Variants in GRIN2B observed in about 807,000 individuals in gnomAD.
GRIN2B encodes the protein glutamate receptor ionotropic, NMDA 2B.
GRIN2B carries 5 observed loss-of-function variants against 114.5 expected under a neutral mutation model. The ratio of observed to expected loss-of-function variants is 0.04; its 90% CI spans 0.02 to 0.09. The LOEUF is 0.09. Ranked by LOEUF, GRIN2B falls within the 10% of genes least tolerant of loss-of-function variation. The pLI, the probability that GRIN2B is intolerant of heterozygous loss-of-function variation, is 1.00. For synonymous variants in GRIN2B, 787 were observed against 745.1 expected (o/e 1.06, Z -0.92); for missense variants, 1,108 against 1,943.5 (o/e 0.57, Z 8.08).
intron 3 of GRIN2B, among the ~76,000 whole-genome samples, chr12:13,778,687 G>T (rs958503445): frequency 4.6e-5 from 7 of 152,286 alleles, no homozygotes; most frequent in Middle Eastern, 6.8e-3. Flanking sequence ...GATCTTACTT[G>T]ATTCCATTTT....
intron 5 of GRIN2B, among the ~76,000 whole-genome samples, chr12:13,674,418 C>T (rs1286945245): frequency 6.6e-6 from 1 of 152,028 alleles, no homozygotes; most frequent in Non-Finnish European, 1.5e-5. Flanking sequence ...TGTGCCCTAT[C>T]TGACAAGAGA....
At chr12:13,651,144 T>C (rs1020930896) in intron 5 of GRIN2B, among the ~76,000 whole-genome samples, 2 of 152,062 alleles carry the variant, frequency 1.3e-5, no homozygotes, top group Non-Finnish European at 2.9e-5. Flanking sequence ...AGAATACATC[T>C]GATTGTCTCA....
intron 10 of GRIN2B, among the ~76,000 whole-genome samples, chr12:13,595,577 G>A (rs531751376): frequency 6.6e-6 from 1 of 152,314 alleles, no homozygotes; most frequent in South Asian, 2.1e-4. Context: ...CCTGTCTGGT[G>A]CTGAGAACTG....
intron 2 of GRIN2B, among the ~76,000 whole-genome samples, chr12:13,964,470 T>C (rs566881102): frequency 5.3e-5 from 8 of 152,272 alleles, no homozygotes; most frequent in Middle Eastern, 3.4e-3. Flanking sequence ...AAAGTCAGGA[T>C]TGCAAGGAAA....
intron 2 of GRIN2B, among the ~76,000 whole-genome samples, chr12:13,958,969 A>AG (rs888097762): frequency 6.6e-6 from 1 of 152,116 alleles, no homozygotes; most frequent in African/African-American, 2.4e-5. Context: ...AGAAAAAAAA[A>AG]GGGGGTGGAG....
chr12:13,886,859 A>G (rs1011330821), intron 2 of GRIN2B, among the ~76,000 whole-genome samples: 1 of 152,232 alleles, frequency 6.6e-6, no homozygotes, highest in African/African-American at 2.4e-5. Context: ...CTTATACAGT[A>G]CTCATGTCAC....
intron 2 of GRIN2B, among the ~76,000 whole-genome samples, chr12:13,913,063 G>A (rs1344813840): frequency 1.3e-5 from 2 of 152,116 alleles, no homozygotes; most frequent in African/African-American, 2.4e-5. Context: ...CACCTGAGTC[G>A]AGAGTAACAG....
chr12:13,723,129 C>T (rs1290543962), intron 4 of GRIN2B, among the ~76,000 whole-genome samples: 1 of 127,510 alleles, frequency 7.8e-6, no homozygotes, highest in Middle Eastern at 3.5e-3. Flanking sequence ...TAAATGCTTA[C>T]ACCTTTTTTT....
intron 10 of GRIN2B, among the ~76,000 whole-genome samples, chr12:13,607,393 TATATATAATATATAAA>T (rs1565473816): frequency 8.4e-5 from 6 of 71,532 alleles, no homozygotes; most frequent in South Asian, 3.0e-4. Context: ...TAATATATAT[TATATATAATATATAAA>T]ATATATAATA....
chr12:13,787,054 A>T (rs1864234812), intron 3 of GRIN2B, among the ~76,000 whole-genome samples: 1 of 152,234 alleles, frequency 6.6e-6, no homozygotes, highest in South Asian at 2.1e-4. Flanking sequence ...TACCTCCCAA[A>T]ACCACAATTC....
At chr12:13,565,918 A>C (rs1226659764) in intron 13 of GRIN2B, among the ~76,000 whole-genome samples, 1 of 152,178 alleles carries the variant, frequency 6.6e-6, no homozygotes, top group East Asian at 1.9e-4. Context: ...GAAAATTCCA[A>C]GCCTTTTTTC....
In GRIN2B at chr12:13,895,627, G is replaced by A. The variant is rs370292489; in HGVS notation, c.-18-29401C>T. On this transcript the variant is annotated intron_variant, in intron 2 of 13. Coordinates refer to ENST00000609686, the MANE Select transcript of GRIN2B (RefSeq NM_000834.5). Reference sequence around the variant, plus strand: ...AGAAAAGTGGGTTAATAATGTAAACGGAACTCTCCAGATAATAAATATTTT... The same window carrying A: ...AGAAAAGTGGGTTAATAATGTAAACAGAACTCTCCAGATAATAAATATTTT... 1.0e-3 allele frequency among the ~76,000 whole-genome samples: 157 copies of A among 152,226 alleles called. 3 individuals are homozygous for A. In the South Asian group the frequency reaches 0.026, roughly 26 times the overall value.
At chr12:13,861,450 C>T (rs1383137944) in intron 3 of GRIN2B, among the ~76,000 whole-genome samples, 1 of 152,144 alleles carries the variant, frequency 6.6e-6, no homozygotes, top group Non-Finnish European at 1.5e-5. Flanking sequence ...ATCTTAAATC[C>T]AGGATCTCAG....
chr12:13,919,332 A>T (rs1366855306), intron 2 of GRIN2B, among the ~76,000 whole-genome samples: 1 of 152,216 alleles, frequency 6.6e-6, no homozygotes, highest in African/African-American at 2.4e-5. Context: ...GTTAGGGATT[A>T]AAAACTCCTA....
At chr12:13,847,965 C>T (rs1332783146) in intron 3 of GRIN2B, among the ~76,000 whole-genome samples, 1 of 152,072 alleles carries the variant, frequency 6.6e-6, no homozygotes, top group Admixed American at 6.6e-5. Flanking sequence ...GTCCTTCTGC[C>T]TTAATAGACA....
intron 4 of GRIN2B, among the ~76,000 whole-genome samples, chr12:13,745,524 T>C (rs74065273): frequency 0.018 from 2,768 of 152,304 alleles, 87 homozygotes; most frequent in African/African-American, 0.063. Flanking sequence ...TAGCATGCTC[T>C]AGCAAAGAGC....
chr12:13,821,906 T>C (rs1565550572), intron 3 of GRIN2B, among the ~76,000 whole-genome samples: 1 of 152,160 alleles, frequency 6.6e-6, no homozygotes, highest in Non-Finnish European at 1.5e-5. Flanking sequence ...ACTTTCTCTA[T>C]TACACAAAAT....
chr12:13,957,197 G>A (rs1005377281), intron 2 of GRIN2B, among the ~76,000 whole-genome samples: 4 of 152,126 alleles, frequency 2.6e-5, no homozygotes, highest in African/African-American at 4.8e-5. Flanking sequence ...CACTGGACTC[G>A]GCTCAGCTGC....
At chr12:13,804,797 G>A (rs533137180) in intron 3 of GRIN2B, among the ~76,000 whole-genome samples, 134 of 152,132 alleles carry the variant, frequency 8.8e-4, no homozygotes, top group African/African-American at 2.9e-3. Flanking sequence ...ATAATGCCTT[G>A]CCCATAATAG....
Sources: allele counts gnomAD v4.1 joint callset (sites outside exome capture counted in the v4.1 genomes callset), GRCh38; gene constraint gnomAD v4.1.1; transcripts MANE v1.5; gene names NCBI Gene and HGNC (gene_info 2026-07-23, HGNC 2026-07-21).